The following CACNB2 variants were observed in gnomAD, a reference collection of about 807,000 sequenced individuals.
CACNB2 encodes calcium voltage-gated channel auxiliary subunit beta 2.
Under a neutral mutation model 73.3 loss-of-function variants are expected in CACNB2, and 42 were observed. The ratio of observed to expected loss-of-function variants is 0.57; its 90% confidence interval spans 0.45 to 0.74. The LOEUF (loss-of-function observed/expected upper bound fraction) is 0.74, where lower values mean the gene tolerates loss of function less well. Ranked by LOEUF, CACNB2 falls within the 30% of genes least tolerant of loss-of-function variation. The pLI, the probability that CACNB2 is intolerant of heterozygous loss-of-function variation, is 0.00. For missense variants in CACNB2, 940 were observed against 853.0 expected, an observed-to-expected ratio of 1.10 and a Z score of -1.27; for synonymous variants, 348 against 310.3, an observed-to-expected ratio of 1.12 and a Z score of -1.28.
chr10:18,495,582 T>TGTGTGTGTGTGTGTGTG lies in CACNB2; in HGVS notation c.334-2763_334-2762insGTGTGTGGTGTGTGTGT, dbSNP rs879828645. 3.6e-3 allele frequency among the ~76,000 whole-genome samples: 481 copies of TGTGTGTGTGTGTGTGTG among 135,476 alleles called. 4 individuals carry two copies. Among genetic ancestry groups the TGTGTGTGTGTGTGTGTG allele is most frequent in the African/African-American group, 0.012 (447 of 36,034 alleles). The allele number at this position is 135,476 out of a possible 152,430, so 88.9% of individuals were successfully genotyped here. Reference sequence around the variant, plus strand: ...GTGTGTGTGTGTGTGTGTGTGTGTGTGTGTGTGTGTATAAGAGATGAGGTC... The same window carrying TGTGTGTGTGTGTGTGTG: ...GTGTGTGTGTGTGTGTGTGTGTGTGTGTGTGTGTGTGTGTGTGGTGTGTGTGTATAAGAGATGAGGTC... On this transcript the variant is annotated intron_variant, in intron 3 of 13. Coordinates refer to ENST00000324631, the MANE Select transcript of CACNB2 (RefSeq NM_201596.3).
At position 18,262,191 on chromosome 10, in the gene CACNB2, T is replaced by C. The variant is rs192688083; in HGVS notation, c.213+111216T>C. On this transcript the variant is annotated intron_variant, in intron 2 of 13. Coordinates refer to ENST00000324631, the MANE Select transcript of CACNB2 (RefSeq NM_201596.3). ...GCAAGCTAATCAATACTTAAAGTAT[T>C]GAAGGTAAAGAAACCCGTGACCTTG... 2.8e-3 allele frequency among the ~76,000 whole-genome samples: 421 copies of C among 152,086 alleles called. 1 individual carries two copies. Among genetic ancestry groups the C allele is most frequent in the Non-Finnish European group, 4.7e-3 (322 of 67,982 alleles).
intron 2 of CACNB2, among the ~76,000 whole-genome samples, chr10:18,180,198 C>G (rs534230412): frequency 6.6e-6 from 1 of 152,156 alleles, no homozygotes. Flanking sequence ...TATATTTTGC[C>G]AACATAGAAC....
intron 2 of CACNB2, among the ~76,000 whole-genome samples, chr10:18,180,208 C>T (rs1434598863): frequency 6.6e-6 from 1 of 152,122 alleles, no homozygotes; most frequent in Non-Finnish European, 1.5e-5. Context: ...CAACATAGAA[C>T]TGTAGCAGGC....
At chr10:18,503,098 T>G (rs1444784758) in intron 5 of CACNB2, among the ~76,000 whole-genome samples, 1 of 152,208 alleles carries the variant, frequency 6.6e-6, no homozygotes, top group African/African-American at 2.4e-5. Flanking sequence ...TATTTTGATA[T>G]GCAATATTAA....
intron 2 of CACNB2, among the ~76,000 whole-genome samples, chr10:18,346,966 T>C (rs1388173346): frequency 2.6e-5 from 4 of 152,234 alleles, no homozygotes; most frequent in African/African-American, 9.6e-5. Context: ...AGATCCTTAA[T>C]TGTGCTGCCA....
At chr10:18,345,920 G>A (rs1489904723) in intron 2 of CACNB2, among the ~76,000 whole-genome samples, 1 of 152,180 alleles carries the variant, frequency 6.6e-6, no homozygotes, top group Non-Finnish European at 1.5e-5. Context: ...ACATCTGACC[G>A]AAGCACGCTT....
intron 2 of CACNB2, among the ~76,000 whole-genome samples, chr10:18,185,863 C>A (rs1012455173): frequency 2.6e-5 from 4 of 151,912 alleles, no homozygotes; most frequent in Admixed American, 1.3e-4. Flanking sequence ...ATCATGTTGT[C>A]ATGGAGATGA....
chr10:18,362,134 G>GT (rs953603325), intron 2 of CACNB2, among the ~76,000 whole-genome samples: 5 of 152,186 alleles, frequency 3.3e-5, no homozygotes, highest in Admixed American at 2.0e-4. Flanking sequence ...TTAACACTCA[G>GT]TTTATCTAGC....
At chr10:18,325,596 T>A (rs1422615225) in intron 2 of CACNB2, among the ~76,000 whole-genome samples, 3 of 151,830 alleles carry the variant, frequency 2.0e-5, no homozygotes, top group Admixed American at 1.3e-4. Context: ...TCTCTCTTTC[T>A]CTGTCTTTTT....
rs753335762 is a variant in CACNB2 at position 18,539,740 on chromosome 10, G to GC, written c.*16_*17insC. The stretch of plus-strand genomic sequence containing the variant: ...CCGCCAATGAGTTTTGCCCGTTTGT[G>GC]TTTTTTTTTTTTTTTTTTTGAAGTC... On this transcript the variant is annotated 3_prime_UTR_variant, in exon 14 of 14. Coordinates refer to ENST00000324631, the MANE Select transcript of CACNB2 (RefSeq NM_201596.3). The GC allele has an allele frequency of 2.2e-3, 3,133 of 1,448,220 alleles. 45 individuals carry two copies. The highest frequency in any genetic ancestry group is 2.7e-3 in the Middle Eastern group (14 of 5,186). The allele number at this position is 1,448,220 out of a possible 1,614,324, so 89.7% of individuals were successfully genotyped here.
At chr10:18,164,386 C>T (rs1049143231) in intron 2 of CACNB2, among the ~76,000 whole-genome samples, 1 of 152,116 alleles carries the variant, frequency 6.6e-6, no homozygotes, top group African/African-American at 2.4e-5. Context: ...TGTGGGAGAG[C>T]AATCGTTGAA....
chr10:18,201,141 T>C (rs2034860617), intron 2 of CACNB2, among the ~76,000 whole-genome samples: 1 of 152,232 alleles, frequency 6.6e-6, no homozygotes, highest in African/African-American at 2.4e-5. Context: ...TATGCATTAC[T>C]ATTTTATTCA....
At chr10:18,280,711 C>G (rs894003843) in intron 2 of CACNB2, among the ~76,000 whole-genome samples, 1 of 152,172 alleles carries the variant, frequency 6.6e-6, no homozygotes, top group African/African-American at 2.4e-5. Flanking sequence ...CTTTGACATG[C>G]ATAATCTTAT....
At chr10:18,247,109 C>T (rs988455006) in intron 2 of CACNB2, among the ~76,000 whole-genome samples, 4 of 152,114 alleles carry the variant, frequency 2.6e-5, no homozygotes, top group African/African-American at 7.2e-5. Context: ...GACATCACCT[C>T]GACACGTGAG....
intron 2 of CACNB2, among the ~76,000 whole-genome samples, chr10:18,247,366 A>G (rs1465452652): frequency 6.6e-6 from 1 of 152,210 alleles, no homozygotes; most frequent in Non-Finnish European, 1.5e-5. Flanking sequence ...AATTCCCAAT[A>G]AAGGACCATT....
At chr10:18,287,882 T>G (rs899085117) in intron 2 of CACNB2, among the ~76,000 whole-genome samples, 1 of 152,080 alleles carries the variant, frequency 6.6e-6, no homozygotes, top group Non-Finnish European at 1.5e-5. Flanking sequence ...ACAGAGGTGT[T>G]ACTGGGGCTG....
At chr10:18,536,270 TTTTGGG>T (rs2053582095) in intron 12 of CACNB2, 74 bp downstream of exon 12, 5 of 371,590 alleles carry the variant, frequency 1.3e-5, no homozygotes, top group African/African-American at 3.4e-5. Context: ...TTTTTTTTTT[TTTTGGG>T]GGACAAGGTC....
intron 3 of CACNB2, among the ~76,000 whole-genome samples, chr10:18,491,481 A>G (rs2049420436): frequency 6.6e-6 from 1 of 152,182 alleles, no homozygotes; most frequent in African/African-American, 2.4e-5. Flanking sequence ...CTAGCTACTC[A>G]TGAGGCTGAG....
chr10:18,327,940 A>C (rs1475231096), intron 2 of CACNB2, among the ~76,000 whole-genome samples: 1 of 152,182 alleles, frequency 6.6e-6, no homozygotes, highest in Non-Finnish European at 1.5e-5. Flanking sequence ...GAGGAAAGGC[A>C]GAGTGGAAGT....
Sources: gnomAD v4.1 joint callset for allele counts (sites outside exome capture counted in the v4.1 genomes callset) on GRCh38, gnomAD v4.1.1 for gene constraint, MANE v1.5 for transcripts, NCBI Gene and HGNC (gene_info 2026-07-23, HGNC 2026-07-21) for gene names.